NCOA1: variants seen among roughly 807,000 people sequenced by gnomAD.
The protein encoded by NCOA1 is nuclear receptor coactivator 1, also known as Hin-2 protein.
A neutral mutation model predicts 150.9 loss-of-function variants in NCOA1; 35 were observed. That is an observed-to-expected ratio of 0.23 (90% CI 0.18 to 0.31). The LOEUF is 0.31. NCOA1 is among the 10% of genes least tolerant of loss of function. The pLI is 1.00. For missense variants in NCOA1, 1,491 were observed against 1,749.3 expected, an observed-to-expected ratio of 0.85 and a Z score of 2.63; for synonymous variants, 590 against 630.0, an observed-to-expected ratio of 0.94 and a Z score of 0.95.
chr2:24,606,234 ATTG>A (rs1357190100), intron 3 of NCOA1, among the ~76,000 whole-genome samples: 26 of 150,986 alleles, frequency 1.7e-4, no homozygotes, highest in Non-Finnish European at 3.1e-4. Context: ...TTTTATCATT[ATTG>A]TTATTATTAT....
intron 1 of NCOA1, among the ~76,000 whole-genome samples, chr2:24,494,059 T>A (rs1426086203): frequency 1.3e-5 from 2 of 152,282 alleles, no homozygotes; most frequent in African/African-American, 4.8e-5. Flanking sequence ...TTTAAAGATG[T>A]TGTTCTCAGA....
intron 8 of NCOA1, among the ~76,000 whole-genome samples, chr2:24,686,174 G>T (rs1672393865): frequency 6.6e-6 from 1 of 151,976 alleles, no homozygotes; most frequent in African/African-American, 2.4e-5. Context: ...GCTAATCTTT[G>T]TATTTTTAGT....
chr2:24,610,124 CTTT>C (rs775178797), intron 3 of NCOA1, among the ~76,000 whole-genome samples: 1 of 90,212 alleles, frequency 1.1e-5, no homozygotes, highest in Non-Finnish European at 2.2e-5. Flanking sequence ...AGGCTGCATT[CTTT>C]TTTTTTTTTT....
At chr2:24,554,256 T>G (rs753992626) in intron 1 of NCOA1, 1 of 152,224 alleles carries the variant, frequency 6.6e-6, no homozygotes, top group Non-Finnish European at 1.5e-5. Flanking sequence ...GAGGCTTAAA[T>G]TATTGATTCA....
At chr2:24,731,277 C>T (rs1044709278) in intron 17 of NCOA1, among the ~76,000 whole-genome samples, 2 of 152,144 alleles carry the variant, frequency 1.3e-5, no homozygotes, top group Admixed American at 6.5e-5. Context: ...TTTCAAGTCC[C>T]AGTTCCAAAC....
intron 10 of NCOA1, among the ~76,000 whole-genome samples, chr2:24,693,958 A>G (rs898864860): frequency 1.3e-5 from 2 of 152,194 alleles, no homozygotes; most frequent in Non-Finnish European, 2.9e-5. Context: ...CTGAGCCCCA[A>G]AGGATGAAGT....
At position 24,707,229 on chromosome 2, in the gene NCOA1, G is replaced by C; in HGVS notation, c.1759G>C (p.Glu587Gln). ...AAAAGCTGAGTCCAAAGATAACAAA[G>C]AGATTGCCTCAATTTTAAATGAAAT... Reference protein sequence around the residue: ...PAKAESKDNKEIASILNEMIQ... With the variant: ...PAKAESKDNKQIASILNEMIQ... The change falls in exon 13 of 23, where the codon GAG (glutamate) becomes CAG (glutamine). Residue 587 changes from glutamate to glutamine, a missense_variant. Glu to Gln is a conservative substitution (Grantham distance 29, BLOSUM62 2). Transcript: ENST00000348332. 1.9e-6 allele frequency: 3 copies of C among 1,614,138 alleles called. No homozygotes were observed. Among genetic ancestry groups the C allele is most frequent in the East Asian group, 4.5e-5 (2 of 44,886 alleles).
chr2:24,617,686 A>G (rs1668934023), intron 3 of NCOA1, among the ~76,000 whole-genome samples: 1 of 152,102 alleles, frequency 6.6e-6, no homozygotes. Flanking sequence ...AGGCTTGGCT[A>G]AATGGCATTA....
chr2:24,747,470 C>T (rs933114129), intron 19 of NCOA1, among the ~76,000 whole-genome samples: 2 of 151,596 alleles, frequency 1.3e-5, no homozygotes, highest in Non-Finnish European at 2.9e-5. Flanking sequence ...GCTAGAACTA[C>T]AGGCATGTAC....
At chr2:24,606,230 C>CATT (rs3030982) in intron 3 of NCOA1, among the ~76,000 whole-genome samples, 8,446 of 150,794 alleles carry the variant, frequency 0.056, 324 homozygotes, top group Non-Finnish European at 0.08. Flanking sequence ...TTATTTTTAT[C>CATT]ATTATTGTTA....
intron 13 of NCOA1, 120 bp downstream of exon 13, chr2:24,708,008 A>G (rs1220939646): frequency 7.8e-7 from 1 of 1,274,172 alleles, no homozygotes; most frequent in East Asian, 2.5e-5. Context: ...CATTGGGCAT[A>G]TATTAAGAGG....
At chr2:24,746,579 A>G (rs1318149172) in intron 19 of NCOA1, among the ~76,000 whole-genome samples, 1 of 152,156 alleles carries the variant, frequency 6.6e-6, no homozygotes, top group Non-Finnish European at 1.5e-5. Context: ...CAAAGATAGA[A>G]CTGTAAAATT....
At chr2:24,768,089 C>G in intron 22 of NCOA1, 132 bp from the exon 23 acceptor site, 1 of 1,613,812 alleles carries the variant, frequency 6.2e-7, no homozygotes, top group Non-Finnish European at 8.5e-7. Flanking sequence ...GACAAGAAGA[C>G]AGAAGAGTTC....
intron 1 of NCOA1, among the ~76,000 whole-genome samples, chr2:24,535,142 G>T (rs1247884551): frequency 1.3e-5 from 2 of 152,110 alleles, no homozygotes; most frequent in Non-Finnish European, 2.9e-5. Flanking sequence ...CCTGTATTGG[G>T]TGCATATATA....
At chr2:24,735,125 T>A (rs1379558075) in intron 17 of NCOA1, among the ~76,000 whole-genome samples, 1 of 152,184 alleles carries the variant, frequency 6.6e-6, no homozygotes, top group Admixed American at 6.5e-5. Flanking sequence ...TGTAGCCTCT[T>A]TAAAATGACA....
At chr2:24,721,998 G>A (rs1674379283) in intron 14 of NCOA1, among the ~76,000 whole-genome samples, 1 of 151,944 alleles carries the variant, frequency 6.6e-6, no homozygotes, top group South Asian at 2.1e-4. Flanking sequence ...TATTTCAGTG[G>A]TGTTTTTGAA....
chr2:24,644,647 T>C (rs1219604782), intron 4 of NCOA1, among the ~76,000 whole-genome samples: 1 of 152,022 alleles, frequency 6.6e-6, no homozygotes, highest in East Asian at 1.9e-4. Context: ...TCCGTGAACA[T>C]ACTAATGGGA....
chr2:24,717,347 C>T (rs990940897), intron 14 of NCOA1, among the ~76,000 whole-genome samples: 5 of 152,098 alleles, frequency 3.3e-5, no homozygotes, highest in Admixed American at 2.6e-4. Flanking sequence ...AACTTGGAAG[C>T]GATCAAGCCA....
Position 24,770,437 on chromosome 2 carries a change from A to G in NCOA1, c.*2046A>G, listed in dbSNP as rs1665265791. 4.4e-6 allele frequency: 1 copy of G among 227,736 alleles called. No homozygotes were observed. Among genetic ancestry groups the G allele is most frequent in the Non-Finnish European group, 8.7e-6 (1 of 114,414 alleles). The allele number at this position is 227,736 out of a possible 1,614,324, so 14.1% of individuals were successfully genotyped here. ...CCTTAAAATATGCATGTCACCTTCAAGGTTTTATAATTGCACTGTTTGTTT... is the reference window on the plus strand; with the variant it reads ...CCTTAAAATATGCATGTCACCTTCAGGGTTTTATAATTGCACTGTTTGTTT... On this transcript the variant is annotated 3_prime_UTR_variant, in exon 23 of 23. Transcript: ENST00000348332.
Sources: gnomAD v4.1 joint callset for allele counts (sites outside exome capture counted in the v4.1 genomes callset) on GRCh38, gnomAD v4.1.1 for gene constraint, MANE v1.5 for transcripts, NCBI Gene and HGNC (gene_info 2026-07-23, HGNC 2026-07-21) for gene names.